TMEM117: variants seen among roughly 807,000 people sequenced by gnomAD.
TMEM117 encodes the protein transmembrane protein 117.
Under a neutral mutation model 52.4 loss-of-function variants are expected in TMEM117, and 27 were observed. The observed-to-expected ratio is 0.51, with a 90% CI of 0.38 to 0.71. TMEM117 has a LOEUF of 0.71. Among genes scored for constraint, TMEM117 ranks in the 30% least tolerant of loss-of-function variants. The pLI is 0.00. For synonymous variants in TMEM117, 215 were observed against 206.3 expected (o/e 1.04, Z -0.36); for missense variants, 556 against 630.5 (o/e 0.88, Z 1.26).
chr12:44,282,445 C>A (rs79601868), intron 5 of TMEM117, among the ~76,000 whole-genome samples: 1,792 of 152,218 alleles, frequency 0.012, 41 homozygotes, highest in African/African-American at 0.039. Context: ...CGATATGGAC[C>A]ATAAGGTCCA....
intron 2 of TMEM117, among the ~76,000 whole-genome samples, chr12:43,928,007 G>A (rs1487931010): frequency 6.6e-6 from 1 of 150,522 alleles, no homozygotes; most frequent in African/African-American, 2.4e-5. Flanking sequence ...AGTGAATTTT[G>A]TTTATTCTTT....
intron 3 of TMEM117, among the ~76,000 whole-genome samples, chr12:44,053,930 C>G (rs1361738937): frequency 3.3e-5 from 5 of 152,120 alleles, no homozygotes; most frequent in Middle Eastern, 3.2e-3. Context: ...AATGTTAGTT[C>G]AGATGGGGCA....
At chr12:44,068,258 T>C (rs1947251840) in intron 3 of TMEM117, among the ~76,000 whole-genome samples, 1 of 152,190 alleles carries the variant, frequency 6.6e-6, no homozygotes, top group Non-Finnish European at 1.5e-5. Context: ...ATCTTATCAT[T>C]AGTGTGTTCA....
intron 6 of TMEM117, among the ~76,000 whole-genome samples, chr12:44,365,294 A>C (rs1019346812): frequency 2.0e-5 from 3 of 151,942 alleles, no homozygotes; most frequent in East Asian, 3.9e-4. Context: ...GTAGCAAAAA[A>C]TCCTAAGAAA....
At chr12:44,358,778 T>G (rs993143503) in intron 6 of TMEM117, among the ~76,000 whole-genome samples, 1 of 152,068 alleles carries the variant, frequency 6.6e-6, no homozygotes, top group South Asian at 2.1e-4. Context: ...TTTTGGTACT[T>G]CAAGTGCCAG....
chr12:43,798,691 T>C, the TMEM117 span: 1 of 1,208,128 alleles, frequency 8.3e-7, no homozygotes, highest in Non-Finnish European at 1.1e-6. Flanking sequence ...GATAGATCCT[T>C]GCTACCAGTT....
chr12:43,985,807 G>T (rs1945838571), intron 3 of TMEM117, among the ~76,000 whole-genome samples: 1 of 152,242 alleles, frequency 6.6e-6, no homozygotes, highest in African/African-American at 2.4e-5. Context: ...TTGTTCATTG[G>T]CCTTGCCCGT....
chr12:44,185,318 A>G (rs1949262201), intron 4 of TMEM117, among the ~76,000 whole-genome samples: 1 of 152,198 alleles, frequency 6.6e-6, no homozygotes, highest in Admixed American at 6.5e-5. Context: ...CTGAATCAAA[A>G]TGTTCCATCA....
At chr12:44,379,711 A>G (rs1046483671) in intron 7 of TMEM117, among the ~76,000 whole-genome samples, 10 of 152,198 alleles carry the variant, frequency 6.6e-5, no homozygotes, top group Admixed American at 2.0e-4. Flanking sequence ...ACTGTGCTAC[A>G]TGCTGCATTT....
the TMEM117 span, among the ~76,000 whole-genome samples, chr12:43,800,708 T>A: frequency 1.3e-5 from 2 of 152,210 alleles, no homozygotes; most frequent in Non-Finnish European, 2.9e-5. Context: ...CATGGGCATC[T>A]AAACTATCAA....
intron 3 of TMEM117, among the ~76,000 whole-genome samples, chr12:44,114,790 G>C (rs1948108059): frequency 6.6e-6 from 1 of 152,150 alleles, no homozygotes; most frequent in Non-Finnish European, 1.5e-5. Flanking sequence ...TTATTCTTCT[G>C]TGCGTTTAGC....
intron 3 of TMEM117, among the ~76,000 whole-genome samples, chr12:43,991,632 T>C (rs141297763): frequency 0.014 from 2,176 of 152,234 alleles, 63 homozygotes; most frequent in African/African-American, 0.049. Context: ...GAATCAAATA[T>C]AAAGCACTTA....
At chr12:44,350,526 C>T (rs1437185583) in intron 6 of TMEM117, among the ~76,000 whole-genome samples, 1 of 151,994 alleles carries the variant, frequency 6.6e-6, no homozygotes, top group Non-Finnish European at 1.5e-5. Flanking sequence ...CATTATCCTT[C>T]CCATTCTCTG....
chr12:44,048,741 G>A (rs74842261), intron 3 of TMEM117, among the ~76,000 whole-genome samples: 2,433 of 152,284 alleles, frequency 0.016, 49 homozygotes, highest in African/African-American at 0.055. Flanking sequence ...CCAAGACAGC[G>A]TGGGTGTATT....
chr12:44,165,268 C>A (rs1415774268), intron 4 of TMEM117, among the ~76,000 whole-genome samples: 1 of 152,020 alleles, frequency 6.6e-6, no homozygotes, highest in Admixed American at 6.6e-5. Flanking sequence ...CTACAGAAAA[C>A]CACCAAATCA....
chr12:44,010,337 C>T, intron 3 of TMEM117: 1 of 433,876 alleles, frequency 2.3e-6, no homozygotes, highest in South Asian at 1.6e-5. Context: ...GCCATGTCTC[C>T]CTGCTGCTCT....
At position 43,996,410 on chromosome 12, in the gene TMEM117, G is replaced by A. The variant is rs189391445; in HGVS notation, c.410+52068G>A. On this transcript the variant is annotated intron_variant, in intron 3 of 7. Transcript: ENST00000266534. ...TGTAATCCCAGCCCTTTGGGAGGCC[G>A]AGGTGGGCAGATCACAAGGTCAGGA... 8.4e-3 allele frequency among the ~76,000 whole-genome samples: 1,282 copies of A among 152,226 alleles called. 13 individuals are homozygous for A. Among genetic ancestry groups the A allele is most frequent in the African/African-American group, 0.029 (1,218 of 41,526 alleles).
At chr12:44,025,683 T>G (rs1946522084) in intron 3 of TMEM117, among the ~76,000 whole-genome samples, 1 of 152,194 alleles carries the variant, frequency 6.6e-6, no homozygotes, top group African/African-American at 2.4e-5. Context: ...AACATCTCAT[T>G]TTTTATTCTA....
intron 2 of TMEM117, among the ~76,000 whole-genome samples, chr12:43,924,954 G>C (rs1349709895): frequency 6.6e-6 from 1 of 152,184 alleles, no homozygotes; most frequent in Non-Finnish European, 1.5e-5. Flanking sequence ...TGACTGGAAA[G>C]TTACCTTCTA....
Sources: gnomAD v4.1 joint callset for allele counts (sites outside exome capture counted in the v4.1 genomes callset) on GRCh38, gnomAD v4.1.1 for gene constraint, MANE v1.5 for transcripts, NCBI Gene and HGNC (gene_info 2026-07-23, HGNC 2026-07-21) for gene names.